Variants in KCNH7 observed in about 807,000 individuals in gnomAD.
KCNH7 encodes potassium voltage-gated channel subfamily H member 7.
In KCNH7, 49 loss-of-function variants were observed where a neutral mutation model predicts 120.8. The observed-to-expected ratio is 0.41, with a 90% CI of 0.32 to 0.51. The LOEUF is 0.51. Among genes scored for constraint, KCNH7 ranks in the 20% least tolerant of loss-of-function variants. KCNH7 has a pLI of 0.38. For synonymous variants in KCNH7, 547 were observed against 516.1 expected, an observed-to-expected ratio of 1.06 and a Z score of -0.81; for missense variants, 1,097 against 1,446.6, an observed-to-expected ratio of 0.76 and a Z score of 3.92.
intron 2 of KCNH7, among the ~76,000 whole-genome samples, chr2:162,569,356 C>T (rs2105895168): frequency 6.6e-6 from 1 of 151,690 alleles, no homozygotes; most frequent in African/African-American, 2.4e-5. Flanking sequence ...GTTTGTATTT[C>T]TGTGGGATCG....
chr2:162,727,750 T>G (rs1687582684), intron 2 of KCNH7, among the ~76,000 whole-genome samples: 1 of 152,172 alleles, frequency 6.6e-6, no homozygotes, highest in African/African-American at 2.4e-5. Context: ...TTGGGCTGTT[T>G]CCAAGGTTTT....
chr2:162,559,864 A>C (rs1250310632), intron 2 of KCNH7, among the ~76,000 whole-genome samples: 1 of 152,178 alleles, frequency 6.6e-6, no homozygotes, highest in East Asian at 1.9e-4. Flanking sequence ...TATTTAATAG[A>C]TGGAGTTCTG....
intron 2 of KCNH7, among the ~76,000 whole-genome samples, chr2:162,577,393 C>G (rs1693722796): frequency 6.7e-6 from 1 of 149,760 alleles, no homozygotes; most frequent in East Asian, 2.0e-4. Context: ...ATCTATCTAT[C>G]TATCCATCTA....
At chr2:162,763,669 T>C (rs1474740112) in intron 2 of KCNH7, among the ~76,000 whole-genome samples, 2 of 151,650 alleles carry the variant, frequency 1.3e-5, no homozygotes, top group African/African-American at 4.8e-5. Context: ...GGGCTAGTAA[T>C]GCTGTCTTAG....
chr2:162,575,810 C>T (rs1209129407), intron 2 of KCNH7, among the ~76,000 whole-genome samples: 2 of 152,028 alleles, frequency 1.3e-5, no homozygotes, highest in East Asian at 3.9e-4. Flanking sequence ...ATGTTTATGT[C>T]AGTTGTAGAT....
intron 2 of KCNH7, among the ~76,000 whole-genome samples, chr2:162,549,300 A>G (rs1161405019): frequency 6.6e-6 from 1 of 152,218 alleles, no homozygotes. Flanking sequence ...ACCCATAACT[A>G]GAAATATGTT....
intron 2 of KCNH7, among the ~76,000 whole-genome samples, chr2:162,789,410 T>A (rs1156546330): frequency 6.6e-6 from 1 of 152,002 alleles, no homozygotes; most frequent in East Asian, 1.9e-4. Context: ...ACAATAATAG[T>A]AGAAGACTTT....
chr2:162,633,206 A>G (rs1160217987), intron 2 of KCNH7, among the ~76,000 whole-genome samples: 4 of 151,834 alleles, frequency 2.6e-5, no homozygotes, highest in Non-Finnish European at 4.4e-5. Context: ...ATACATTTTC[A>G]CATTTGTCTT....
chr2:162,647,527 G>T (rs2105251407), intron 2 of KCNH7, among the ~76,000 whole-genome samples: 1 of 152,200 alleles, frequency 6.6e-6, no homozygotes, highest in Non-Finnish European at 1.5e-5. Context: ...ACATGTCAAG[G>T]GCAGGGCCAG....
chr2:162,599,575 T>C (rs1411975716), intron 2 of KCNH7, among the ~76,000 whole-genome samples: 1 of 151,996 alleles, frequency 6.6e-6, no homozygotes, highest in Admixed American at 6.6e-5. Flanking sequence ...GTTTTATTAA[T>C]GCTTCCTAAC....
rs376235149 is a variant in KCNH7, at chr2:162,838,429, A to G, written c.76+14T>C. The G allele has an allele frequency of 3.1e-6, 5 of 1,608,994 alleles. No homozygotes were observed. The African/African-American group carries it at 6.7e-5, about 21-fold the overall frequency. On this transcript the variant is annotated intron_variant, in intron 1 of 15. Transcript: ENST00000332142. The stretch of plus-strand genomic sequence containing the variant: ...CAGAAAGCGAGGGCGAGAGAAGAGA[A>G]CAAACGAACTTACTTTGCCCTTCAA...
intron 2 of KCNH7, among the ~76,000 whole-genome samples, chr2:162,669,041 G>T (rs907708074): frequency 6.6e-6 from 1 of 152,116 alleles, no homozygotes; most frequent in African/African-American, 2.4e-5. Flanking sequence ...TGGTCAGAAA[G>T]ATTTAAAATC....
chr2:162,396,498 C>CTTCT (rs1323642171), intron 11 of KCNH7, among the ~76,000 whole-genome samples: 1 of 151,792 alleles, frequency 6.6e-6, no homozygotes, highest in African/African-American at 2.4e-5. Context: ...CACCTAAGGG[C>CTTCT]TTCTACAAGG....
In KCNH7 at chr2:162,518,128, A is replaced by T; in HGVS notation, c.494T>A (p.Leu165Gln). The change falls in exon 4 of 16, where the codon CTG becomes CAG. Residue 165 changes from leucine (L) to glutamine (Q), a missense_variant. Around this residue, in one of 8 missense-constraint regions of KCNH7, gnomAD observed 362 missense variants for 372.2 expected, o/e 0.97. Transcript: ENST00000332142. ...CTGCTTTCTGTAAGTGAGAACTCTC[A>T]GACCAGGGAATTTGAACCCAAAAAA... Reference protein sequence around the residue: ...RKFFGFKFPGLRVLTYRKQSL... With the variant: ...RKFFGFKFPGQRVLTYRKQSL... 1 of 1,610,268 alleles carries T rather than the reference A, an allele frequency of 6.2e-7. No homozygotes were observed. Among genetic ancestry groups the T allele is most frequent in the Non-Finnish European group, 8.5e-7 (1 of 1,177,598 alleles).
chr2:162,774,740 T>C (rs1211467731), intron 2 of KCNH7, among the ~76,000 whole-genome samples: 3 of 152,190 alleles, frequency 2.0e-5, no homozygotes, highest in African/African-American at 7.2e-5. Context: ...AGAAAACTAG[T>C]GTATAATTCT....
chr2:162,784,045 A>T lies in KCNH7; in HGVS notation c.307+52492T>A, dbSNP rs539720749. Among the ~76,000 whole-genome samples the T allele has an allele frequency of 2.0e-5, 3 of 152,252 alleles. No individual in the cohort carries two copies. The East Asian group carries it at 5.8e-4, about 29-fold the overall frequency. On this transcript the variant is annotated intron_variant, in intron 2 of 15. Coordinates refer to ENST00000332142, the MANE Select transcript of KCNH7 (RefSeq NM_033272.4). ...AAAACAAGTTTCAGGAATTCTCATG[A>T]CTTTCATTTATGCAGAACTCCCATT...
At chr2:162,643,172 A>G (rs1684225651) in intron 2 of KCNH7, among the ~76,000 whole-genome samples, 1 of 152,112 alleles carries the variant, frequency 6.6e-6, no homozygotes, top group Non-Finnish European at 1.5e-5. Flanking sequence ...TTTATCAAAT[A>G]ATGCTAAGGC....
intron 2 of KCNH7, among the ~76,000 whole-genome samples, chr2:162,610,037 T>C (rs1343824075): frequency 2.0e-5 from 3 of 152,236 alleles, no homozygotes; most frequent in African/African-American, 7.2e-5. Context: ...TCTCTTTCTC[T>C]CACTAGCACT....
At chr2:162,565,081 A>G (rs1190001743) in intron 2 of KCNH7, among the ~76,000 whole-genome samples, 1 of 152,118 alleles carries the variant, frequency 6.6e-6, no homozygotes. Context: ...TTTCATACCA[A>G]CAAGTAGGGG....
Sources: allele counts gnomAD v4.1 joint callset (sites outside exome capture counted in the v4.1 genomes callset), GRCh38; gene constraint gnomAD v4.1.1; regional missense constraint gnomAD v4.1.1; transcripts MANE v1.5; gene names NCBI Gene and HGNC (gene_info 2026-07-23, HGNC 2026-07-21).